Variants in DOCK3 observed in about 807,000 individuals in gnomAD.
DOCK3 encodes the protein dedicator of cytokinesis 3, also known as dedicator of cytokinesis protein 3.
In DOCK3, 60 loss-of-function variants were observed where a neutral mutation model predicts 265.6. The observed-to-expected ratio is 0.23, with a 90% confidence interval of 0.18 to 0.28. DOCK3 has a LOEUF of 0.28. Among genes scored for constraint, DOCK3 ranks in the 10% least tolerant of loss-of-function variants. The pLI is 1.00. For synonymous variants in DOCK3, 881 were observed against 938.0 expected (o/e 0.94, Z 1.11); for missense variants, 1,981 against 2,594.3 (o/e 0.76, Z 5.14).
At chr3:51,060,363 T>G (rs1008191394) in intron 5 of DOCK3, among the ~76,000 whole-genome samples, 2 of 152,188 alleles carry the variant, frequency 1.3e-5, no homozygotes, top group African/African-American at 4.8e-5. Context: ...ACTCTGATGG[T>G]AGTTTCTTTT....
At chr3:51,330,750 T>G (rs981397444) in intron 33 of DOCK3, among the ~76,000 whole-genome samples, 1 of 152,170 alleles carries the variant, frequency 6.6e-6, no homozygotes, top group African/African-American at 2.4e-5. Context: ...GATCCTCCAT[T>G]CCATGGTTTC....
chr3:51,143,372 C>A (rs565433678), intron 9 of DOCK3, among the ~76,000 whole-genome samples: 22 of 150,638 alleles, frequency 1.5e-4, no homozygotes, highest in African/African-American at 5.4e-4. Flanking sequence ...TGGGTTCAAG[C>A]GATTCTTCTG....
chr3:51,117,328 G>A (rs542745369), intron 9 of DOCK3, among the ~76,000 whole-genome samples: 1 of 152,192 alleles, frequency 6.6e-6, no homozygotes, highest in Non-Finnish European at 1.5e-5. Context: ...TGATTGTGGT[G>A]GATAAGCTTT....
chr3:51,291,682 A>G (rs1199638067), intron 27 of DOCK3, among the ~76,000 whole-genome samples: 2 of 152,196 alleles, frequency 1.3e-5, no homozygotes, highest in Non-Finnish European at 2.9e-5. Context: ...CAGACAAACT[A>G]ATAATAATCC....
At chr3:50,970,700 T>C (rs1218597937) in intron 5 of DOCK3, among the ~76,000 whole-genome samples, 1 of 148,610 alleles carries the variant, frequency 6.7e-6, no homozygotes, top group Non-Finnish European at 1.5e-5. Context: ...GTGTTGGTTT[T>C]CAACTTTTTC....
intron 5 of DOCK3, among the ~76,000 whole-genome samples, chr3:51,059,133 A>G (rs909505648): frequency 6.6e-6 from 1 of 152,086 alleles, no homozygotes; most frequent in African/African-American, 2.4e-5. Flanking sequence ...TTTTATATTC[A>G]TGAGTACCCA....
rs2087904036 is a variant in DOCK3 at position 51,374,160 on chromosome 3, A to T, written c.5294-309A>T. Among the ~76,000 whole-genome samples, 1 of 152,074 alleles carries T rather than the reference A, an allele frequency of 6.6e-6. No individual in the cohort carries two copies. The highest frequency in any genetic ancestry group is 1.5e-5 in the Non-Finnish European group (1 of 68,012). On this transcript the variant is annotated intron_variant, in intron 49 of 52. Transcript: ENST00000266037. The surrounding 1 kb of genome is among the most constrained non-coding windows in gnomAD (Gnocchi z 4.8). ...TTTCCTGATAGTGCTTGATGCAGGG[A>T]GCCCCTAGCCACCCTGCTCCAGTTC...
chr3:51,341,801 C>T (rs1180375002), intron 38 of DOCK3, among the ~76,000 whole-genome samples: 1 of 152,264 alleles, frequency 6.6e-6, no homozygotes, highest in African/African-American at 2.4e-5. Flanking sequence ...GCGGCCTAAA[C>T]TGCCTCTTAC....
chr3:50,859,443 C>T (rs1423824993), intron 3 of DOCK3, among the ~76,000 whole-genome samples: 1 of 151,950 alleles, frequency 6.6e-6, no homozygotes, highest in African/African-American at 2.4e-5. Flanking sequence ...GTCTCAATCT[C>T]TTGACCTCGT....
intron 1 of DOCK3, among the ~76,000 whole-genome samples, chr3:50,722,106 A>T (rs1334431284): frequency 6.6e-6 from 1 of 152,190 alleles, no homozygotes; most frequent in Non-Finnish European, 1.5e-5. Context: ...TGTGCCAGAG[A>T]CTGAGGACAG....
chr3:50,981,117 T>G (rs2077673240), intron 5 of DOCK3, among the ~76,000 whole-genome samples: 1 of 152,228 alleles, frequency 6.6e-6, no homozygotes, highest in Non-Finnish European at 1.5e-5. Context: ...TTAGCACAGC[T>G]TTTGCTGTAT....
At chr3:51,197,863 G>A (rs945505986) in intron 12 of DOCK3, among the ~76,000 whole-genome samples, 7 of 152,290 alleles carry the variant, frequency 4.6e-5, no homozygotes, top group African/African-American at 7.2e-5. Flanking sequence ...TTGCTCCCTG[G>A]CCCTGGCAGG....
chr3:50,836,793 C>T (rs1324130216), intron 2 of DOCK3, among the ~76,000 whole-genome samples: 1 of 152,122 alleles, frequency 6.6e-6, no homozygotes, highest in Non-Finnish European at 1.5e-5. Flanking sequence ...GCAGATTTTC[C>T]AAACTTTTAT....
At chr3:51,168,600 A>G (rs1428960235) in intron 12 of DOCK3, among the ~76,000 whole-genome samples, 1 of 152,246 alleles carries the variant, frequency 6.6e-6, no homozygotes, top group Non-Finnish European at 1.5e-5. Flanking sequence ...CTCAAGATGG[A>G]TTAAAGACTT....
At position 51,277,745 on chromosome 3, in the gene DOCK3, C is replaced by T. The variant is rs1023764795; in HGVS notation, c.2814C>T (p.Ala938=). The T allele has an allele frequency of 1.9e-6, 3 of 1,611,206 alleles. No individual in the cohort carries two copies. Among genetic ancestry groups the T allele is most frequent in the Non-Finnish European group, 2.5e-6 (3 of 1,179,094 alleles). The change falls in exon 26 of 53, where the codon GCC becomes GCT. Residue 938 remains alanine (A), a synonymous_variant. Transcript: ENST00000266037. ...VRGQRCPQCT[A]EITGEYVSCL... Reference sequence around the variant, plus strand: ...GGCAGCGGTGCCCGCAGTGCACAGCCGAGATCACTGTTAGTAACTAACATC... The same window carrying T: ...GGCAGCGGTGCCCGCAGTGCACAGCTGAGATCACTGTTAGTAACTAACATC...
rs139628075 is a variant in DOCK3, at chr3:50,949,399, A to G, written c.315+15322A>G. ...AATAATGACCAATGAAAAGATACTC[A>G]GCATCATTAGTCATCAGGGAAATGC... On this transcript the variant is annotated intron_variant, in intron 5 of 52. Transcript: ENST00000266037. Among the ~76,000 whole-genome samples, 37 of 152,318 alleles carry G rather than the reference A, an allele frequency of 2.4e-4. No homozygotes were observed. The East Asian group carries it at 5.0e-3, about 21-fold the overall frequency.
intron 19 of DOCK3, among the ~76,000 whole-genome samples, chr3:51,234,134 C>G (rs966373214): frequency 6.6e-6 from 1 of 152,170 alleles, no homozygotes; most frequent in Non-Finnish European, 1.5e-5. Flanking sequence ...TCCTTTTTCT[C>G]CACATCCTCA....
chr3:50,792,175 C>T (rs961741871), intron 2 of DOCK3, among the ~76,000 whole-genome samples: 1 of 148,762 alleles, frequency 6.7e-6, no homozygotes, highest in Non-Finnish European at 1.5e-5. Flanking sequence ...ACGTCTTTCA[C>T]TTCTCTGGTT....
At chr3:51,276,421 G>A in intron 25 of DOCK3, 1 of 985,378 alleles carries the variant, frequency 1.0e-6, no homozygotes, top group Non-Finnish European at 1.2e-6. Context: ...AAAAAGAGGA[G>A]GAATGGAACA....
Sources: gnomAD v4.1 joint callset for allele counts (sites outside exome capture counted in the v4.1 genomes callset) on GRCh38, gnomAD v4.1.1 for gene constraint, Gnocchi (gnomAD v3.1) non-coding constraint, MANE v1.5 for transcripts, NCBI Gene and HGNC (gene_info 2026-07-23, HGNC 2026-07-21) for gene names.